Variants in FAM149B1 observed in about 807,000 individuals in gnomAD.
FAM149B1 encodes primary cilium assembly protein FAM149B1.
A neutral mutation model predicts 75.3 loss-of-function variants in FAM149B1; 56 were observed. That is an observed-to-expected ratio of 0.74 (90% confidence interval 0.60 to 0.93). The LOEUF is 0.93. Among genes scored for constraint, FAM149B1 ranks in the 40% least tolerant of loss-of-function variants. FAM149B1 has a pLI of 0.00. For synonymous variants in FAM149B1, 259 were observed against 256.1 expected, an observed-to-expected ratio of 1.01 and a Z score of -0.11; for missense variants, 639 against 708.4, an observed-to-expected ratio of 0.90 and a Z score of 1.11.
chr10:73,233,039 T>G lies in FAM149B1; in HGVS notation c.1228T>G (p.Ser410Ala). Reference sequence around the variant, plus strand: ...TGTGGAGTTTAGTACATCATCTCTGTCATACACAGTGCAGTCCACCAGGAG... The same window carrying G: ...TGTGGAGTTTAGTACATCATCTCTGGCATACACAGTGCAGTCCACCAGGAG... Reference protein sequence around the residue: ...RAVEFSTSSLSYTVQSTRRRN... With the variant: ...RAVEFSTSSLAYTVQSTRRRN... Residue 410 changes from serine (S) to alanine (A), a missense_variant, in exon 10 of 14, where the codon TCA (serine) becomes GCA (alanine). By Grantham distance (99) the Ser-to-Ala change is moderately conservative (BLOSUM62 1). Coordinates refer to ENST00000242505, the MANE Select transcript of FAM149B1 (RefSeq NM_173348.2). 6.4e-7 allele frequency: 1 copy of G among 1,551,686 alleles called. No homozygotes were observed. Among genetic ancestry groups the G allele is most frequent in the Non-Finnish European group, 8.7e-7 (1 of 1,146,872 alleles).
intron 7 of FAM149B1, among the ~76,000 whole-genome samples, chr10:73,215,852 T>G (rs1368200457): frequency 2.0e-5 from 3 of 152,248 alleles, no homozygotes; most frequent in African/African-American, 4.8e-5. Context: ...TGGAGAATTT[T>G]CCATGTGCTG....
intron 7 of FAM149B1, among the ~76,000 whole-genome samples, chr10:73,219,653 GAGA>G (rs999905093): frequency 3.3e-5 from 5 of 152,122 alleles, no homozygotes; most frequent in African/African-American, 7.2e-5. Context: ...CATTCAATGG[GAGA>G]AGAATAGTCT....
At position 73,193,493 on chromosome 10, in the gene FAM149B1, A is replaced by G; in HGVS notation, c.442A>G (p.Ile148Val). ...ATTTTGAAGGATTCTAGGTAGGCAG[A>G]TAATCACTCCAAGTGAAGGTTATAG... ...FPHLRILGRQ[I>V]ITPSEGYRLY... The change falls in exon 5 of 14, where the codon ATA becomes GTA. Residue 148 changes from isoleucine to valine, a missense_variant. Transcript: ENST00000242505. The G allele has an allele frequency of 1.3e-6, 2 of 1,549,504 alleles. No homozygotes were observed. Among genetic ancestry groups the G allele is most frequent in the African/African-American group, 1.4e-5 (1 of 73,098 alleles).
chr10:73,230,609 T>TG, intron 9 of FAM149B1, 84 bp downstream of exon 9: 1 of 769,220 alleles, frequency 1.3e-6, no homozygotes, highest in South Asian at 1.5e-5. Context: ...ATGCATGTAT[T>TG]GAGTGCCAAC....
At chr10:73,230,989 A>G (rs1182294846) in intron 9 of FAM149B1, 1 of 153,948 alleles carries the variant, frequency 6.5e-6, no homozygotes, top group African/African-American at 2.4e-5. Context: ...AGAACGGAAA[A>G]TAGGTCAGAA....
intron 1 of FAM149B1, 42 bp from the exon 2 acceptor site, chr10:73,174,644 AT>A (rs1056540868): frequency 4.3e-6 from 6 of 1,382,248 alleles, no homozygotes; most frequent in Admixed American, 2.0e-5. Context: ...AATTGTATGT[AT>A]TTTTTTATAC....
intron 12 of FAM149B1, among the ~76,000 whole-genome samples, chr10:73,236,179 T>G (rs2043816605): frequency 6.6e-6 from 1 of 152,038 alleles, no homozygotes; most frequent in Non-Finnish European, 1.5e-5. Context: ...ATATCAGACC[T>G]CTGTATTAGT....
chr10:73,175,028 TG>T (rs1843884289), intron 2 of FAM149B1, among the ~76,000 whole-genome samples: 1 of 151,728 alleles, frequency 6.6e-6, no homozygotes, highest in Non-Finnish European at 1.5e-5. Context: ...TAATCTGCCA[TG>T]GGATTAGAAT....
chr10:73,180,919 T>A (rs1432518441), intron 3 of FAM149B1, among the ~76,000 whole-genome samples: 1 of 151,860 alleles, frequency 6.6e-6, no homozygotes, highest in African/African-American at 2.4e-5. Flanking sequence ...CCACTACCCT[T>A]CCCAGCCTCT....
In FAM149B1 at chr10:73,239,317, TAC is replaced by T; in HGVS notation, c.1612_1613del (p.Gln538ValfsTer8). 1 of 1,551,556 alleles carries T rather than the reference TAC, an allele frequency of 6.4e-7. No individual in the cohort carries two copies. Among genetic ancestry groups the T allele is most frequent in the South Asian group, 1.2e-5 (1 of 84,048 alleles). ...PNTTQSFLLDTQYRRSCAVEY... is the reference protein window; with the variant it reads ...PNTTQSFLLDXQYRRSCAVEY... Reference sequence around the variant, plus strand: ...TCTCCTCTTTTGTCTTGTAGCTGGATACACAGTATCGTCGCTCATGTGCAGTT... The same window carrying T: ...TCTCCTCTTTTGTCTTGTAGCTGGATACAGTATCGTCGCTCATGTGCAGTT... On this transcript the variant is annotated frameshift_variant, in exon 13 of 14. Transcript: ENST00000242505. LOFTEE classifies it high-confidence loss of function.
chr10:73,179,799 A>G (rs1189599893), intron 3 of FAM149B1, among the ~76,000 whole-genome samples: 2 of 152,092 alleles, frequency 1.3e-5, no homozygotes, highest in Admixed American at 1.3e-4. Flanking sequence ...ATACATGTAC[A>G]TACTATTTTG....
At chr10:73,194,385 T>G (rs1050811556) in intron 5 of FAM149B1, among the ~76,000 whole-genome samples, 2 of 152,136 alleles carry the variant, frequency 1.3e-5, no homozygotes, top group African/African-American at 4.8e-5. Flanking sequence ...AAAAAGTGAT[T>G]TATTTTTTAT....
chr10:73,225,003 A>C (rs2043503958), intron 7 of FAM149B1, among the ~76,000 whole-genome samples: 1 of 152,156 alleles, frequency 6.6e-6, no homozygotes, highest in African/African-American at 2.4e-5. Flanking sequence ...CTATCACCTA[A>C]TGCCATTGTA....
At chr10:73,233,322 T>G in intron 10 of FAM149B1, 159 bp downstream of exon 10, 1 of 607,562 alleles carries the variant, frequency 1.6e-6, no homozygotes. Context: ...CACAAAATTT[T>G]TTAATGTGGT....
At chr10:73,216,064 T>C (rs1439312264) in intron 7 of FAM149B1, among the ~76,000 whole-genome samples, 1 of 152,234 alleles carries the variant, frequency 6.6e-6, no homozygotes, top group African/African-American at 2.4e-5. Flanking sequence ...ATATTTGTTT[T>C]GTGAATTGAG....
chr10:73,187,867 G>C (rs569300490), intron 3 of FAM149B1, among the ~76,000 whole-genome samples: 3 of 152,266 alleles, frequency 2.0e-5, no homozygotes, highest in African/African-American at 4.8e-5. Context: ...TGAATCACCT[G>C]AGGTCAGGAG....
intron 6 of FAM149B1, 150 bp from the exon 7 acceptor site, chr10:73,210,101 T>C (rs1778252739): frequency 1.6e-6 from 1 of 611,622 alleles, no homozygotes; most frequent in Non-Finnish European, 2.9e-6. Flanking sequence ...CTATTTTCTA[T>C]TTATTACTTC....
At chr10:73,179,219 T>C (rs767459269) in intron 3 of FAM149B1, among the ~76,000 whole-genome samples, 4 of 152,194 alleles carry the variant, frequency 2.6e-5, no homozygotes, top group Non-Finnish European at 4.4e-5. Flanking sequence ...CGCCTCAGCC[T>C]CTCAAAGTGC....
intron 7 of FAM149B1, among the ~76,000 whole-genome samples, chr10:73,212,844 A>ACTCT (rs372551724): frequency 7.3e-6 from 1 of 136,972 alleles, no homozygotes; most frequent in Non-Finnish European, 1.6e-5. Flanking sequence ...TCTCTCTCTC[A>ACTCT]CTCTCTCTCT....
Sources: allele counts gnomAD v4.1 joint callset (sites outside exome capture counted in the v4.1 genomes callset), GRCh38; gene constraint gnomAD v4.1.1; transcripts MANE v1.5; gene names NCBI Gene and HGNC (gene_info 2026-07-23, HGNC 2026-07-21).